WNT7B: variants seen among roughly 807,000 people sequenced by gnomAD.
The protein encoded by WNT7B is Wnt family member 7B.
In WNT7B, 19 loss-of-function variants were observed where a neutral mutation model predicts 38.2. The ratio of observed to expected loss-of-function variants is 0.50; its 90% confidence interval spans 0.35 to 0.73. The LOEUF (loss-of-function observed/expected upper bound fraction) is 0.73, where lower values mean the gene tolerates loss of function less well. WNT7B is among the 30% of genes least tolerant of loss of function. WNT7B has a pLI of 0.01. For missense variants in WNT7B, 423 were observed against 507.9 expected (o/e 0.83, Z 1.61); for synonymous variants, 243 against 209.3 (o/e 1.16, Z -1.39).
chr22:45,940,665 G>A (rs1931622436), intron 2 of WNT7B, among the ~76,000 whole-genome samples: 1 of 152,238 alleles, frequency 6.6e-6, no homozygotes, highest in Non-Finnish European at 1.5e-5. Context: ...GGAGCAGACA[G>A]GCTGGGAGCG....
intron 3 of WNT7B, chr22:45,926,201 G>A (rs576395142): frequency 3.0e-6 from 3 of 985,408 alleles, no homozygotes; most frequent in East Asian, 1.1e-4. Context: ...AGAATGTGCC[G>A]TTTCCTTCTC....
At chr22:45,964,853 T>C (rs928858401) in intron 1 of WNT7B, among the ~76,000 whole-genome samples, 1 of 152,138 alleles carries the variant, frequency 6.6e-6, no homozygotes, top group Non-Finnish European at 1.5e-5. Flanking sequence ...CACACTCCCT[T>C]GGCACCGCTG....
At chr22:45,959,801 T>C (rs1235024512) in intron 1 of WNT7B, among the ~76,000 whole-genome samples, 3 of 151,792 alleles carry the variant, frequency 2.0e-5, no homozygotes, top group Non-Finnish European at 2.9e-5. Flanking sequence ...AGTAGCCCCC[T>C]ACCCCGCCAC....
At chr22:45,963,364 C>T (rs933380369) in intron 1 of WNT7B, among the ~76,000 whole-genome samples, 4 of 152,100 alleles carry the variant, frequency 2.6e-5, no homozygotes, top group Non-Finnish European at 5.9e-5. Context: ...GCCTTGTGGC[C>T]CAGAGTGCCC....
intron 2 of WNT7B, among the ~76,000 whole-genome samples, chr22:45,947,601 G>A (rs1422007956): frequency 1.3e-5 from 2 of 152,212 alleles, no homozygotes; most frequent in African/African-American, 4.8e-5. Flanking sequence ...GGGCCAAGGT[G>A]CACCTGGAGG....
intron 2 of WNT7B, among the ~76,000 whole-genome samples, chr22:45,947,071 C>G (rs1931813737): frequency 6.6e-6 from 1 of 152,236 alleles, no homozygotes; most frequent in Admixed American, 6.5e-5. Flanking sequence ...CATGGCTGGC[C>G]TCCCTGATCA....
At chr22:45,939,033 A>G (rs1931578951) in intron 2 of WNT7B, among the ~76,000 whole-genome samples, 1 of 152,268 alleles carries the variant, frequency 6.6e-6, no homozygotes, top group Admixed American at 6.5e-5. Context: ...TGTCAAGGAA[A>G]TGCAAATCCA....
chr22:45,961,897 A>G (rs9330806), intron 1 of WNT7B, among the ~76,000 whole-genome samples: 119,116 of 152,192 alleles, frequency 0.78, 46,702 homozygotes, highest in East Asian at 0.83. Flanking sequence ...TCTGTTCAAT[A>G]GGGAGAACTG....
At chr22:45,970,297 G>A (rs2146753924) in intron 1 of WNT7B, among the ~76,000 whole-genome samples, 1 of 152,328 alleles carries the variant, frequency 6.6e-6, no homozygotes, top group Admixed American at 6.5e-5. Context: ...TGGAAAAACT[G>A]TTTCCTTAGG....
chr22:45,923,201 G>T lies in WNT7B; in HGVS notation c.705C>A (p.Ala235=). The T allele has an allele frequency of 6.2e-7, 1 of 1,613,102 alleles. No homozygotes were observed. Among genetic ancestry groups the T allele is most frequent in the Non-Finnish European group, 8.5e-7 (1 of 1,180,004 alleles). ...GHLLKEKYNA[A]VQVEVVRASR... The stretch of plus-strand genomic sequence containing the variant: ...TGGCCCGCACCACCTCCACCTGCAC[G>T]GCCGCGTTGTACTTCTCCTTCAGCA... Residue 235 remains alanine, a synonymous_variant, in exon 4 of 4, where the codon GCC becomes GCA. Coordinates refer to ENST00000339464, the MANE Select transcript of WNT7B (RefSeq NM_058238.3).
At chr22:45,923,510 C>T (rs1350221875) in intron 3 of WNT7B, among the ~76,000 whole-genome samples, 175 bp from the exon 4 acceptor site, 3 of 152,198 alleles carry the variant, frequency 2.0e-5, no homozygotes, top group Non-Finnish European at 4.4e-5. Flanking sequence ...TTACATGGGG[C>T]TGCTAACAAT....
chr22:45,927,813 T>C (rs776785827), intron 3 of WNT7B, among the ~76,000 whole-genome samples: 119 of 152,188 alleles, frequency 7.8e-4, no homozygotes, highest in Non-Finnish European at 1.4e-3. Context: ...GGAGAATTGC[T>C]TGAACCCGGA....
At chr22:45,935,205 G>C (rs969999020) in intron 2 of WNT7B, among the ~76,000 whole-genome samples, 3 of 152,190 alleles carry the variant, frequency 2.0e-5, no homozygotes, top group African/African-American at 7.2e-5. Flanking sequence ...AGACTTAGAA[G>C]CCGGTCCTCT....
At chr22:45,938,083 G>A (rs1013059185) in intron 2 of WNT7B, among the ~76,000 whole-genome samples, 3 of 152,146 alleles carry the variant, frequency 2.0e-5, no homozygotes, top group Non-Finnish European at 2.9e-5. Flanking sequence ...AAAGACTAAC[G>A]GGTGAAGGGA....
chr22:45,926,985 C>A, intron 3 of WNT7B: 1 of 985,448 alleles, frequency 1.0e-6, no homozygotes, highest in Non-Finnish European at 1.2e-6. Flanking sequence ...GTTCCCACCC[C>A]CTGGCTCCAG....
At chr22:45,955,213 G>C (rs571474528) in intron 1 of WNT7B, among the ~76,000 whole-genome samples, 2 of 152,166 alleles carry the variant, frequency 1.3e-5, no homozygotes, top group Non-Finnish European at 2.9e-5. Flanking sequence ...TGCCCTCCCC[G>C]AGCCGGCCTG....
In WNT7B at chr22:45,954,679, T is replaced by C. The variant is rs75327641; in HGVS notation, c.72-4533A>G. The C allele has an allele frequency of 3.0e-6, 3 of 985,356 alleles. No homozygotes were observed. In the African/African-American group the frequency reaches 5.2e-5, roughly 17 times the overall value. 61.0% of individuals were successfully genotyped at this position (985,356 alleles called of 1,614,324 possible). A position where few individuals can be genotyped will look rare whatever the true frequency, so the allele number is the denominator to read the frequency against. ...GAATACAGGCTCCTGCACTGTATTT[T>C]GTGCCAGGAGTATAAATAGTTAGAT... is the stretch of plus-strand genomic sequence containing the variant. On this transcript the variant is annotated intron_variant, in intron 1 of 3. Coordinates refer to ENST00000339464, the MANE Select transcript of WNT7B (RefSeq NM_058238.3).
chr22:45,930,980 C>T (rs1290955552), intron 3 of WNT7B, 118 bp downstream of exon 3: 2 of 1,386,208 alleles, frequency 1.4e-6, no homozygotes, highest in South Asian at 3.0e-5. Flanking sequence ...GCCCCACCCC[C>T]TGCACACCTA....
In WNT7B at chr22:45,948,218, G is replaced by A. The variant is rs116339024; in HGVS notation, c.298+1702C>T. 6.7e-3 allele frequency among the ~76,000 whole-genome samples: 1,027 copies of A among 152,360 alleles called. 7 individuals are homozygous for A. The highest frequency in any genetic ancestry group is 0.023 in the African/African-American group (966 of 41,582). ...CCGCCAGCTCAGCGCTGAGGGGCCA[G>A]GCAGGCAGATGGGCCCTGGCATGAG... On this transcript the variant is annotated intron_variant, in intron 2 of 3. Transcript: ENST00000339464.
Sources: allele counts gnomAD v4.1 joint callset (sites outside exome capture counted in the v4.1 genomes callset), GRCh38; gene constraint gnomAD v4.1.1; transcripts MANE v1.5; gene names NCBI Gene and HGNC (gene_info 2026-07-23, HGNC 2026-07-21).